ST8SIA6: variants seen among roughly 807,000 people sequenced by gnomAD.
ST8SIA6 encodes alpha-2,8-sialyltransferase 8F.
Under a neutral mutation model 33.6 loss-of-function variants are expected in ST8SIA6, and 39 were observed. The ratio of observed to expected loss-of-function variants is 1.16; its 90% CI spans 0.90 to 1.52. ST8SIA6 has a LOEUF of 1.52. Ranked by LOEUF, ST8SIA6 falls within the 40% of genes most tolerant of loss-of-function variation. ST8SIA6 has a pLI of 0.00. For synonymous variants in ST8SIA6, 172 were observed against 167.2 expected (o/e 1.03, Z -0.22); for missense variants, 441 against 443.8 (o/e 0.99, Z 0.06).
At chr10:17,447,495 A>G (rs78558340) in intron 2 of ST8SIA6, among the ~76,000 whole-genome samples, 2,390 of 152,228 alleles carry the variant, frequency 0.016, 65 homozygotes, top group African/African-American at 0.054. Flanking sequence ...TCAAATATCT[A>G]AAGTTTCATG....
chr10:17,334,311 G>A (rs922873095), intron 4 of ST8SIA6, among the ~76,000 whole-genome samples: 7 of 151,128 alleles, frequency 4.6e-5, no homozygotes, highest in African/African-American at 1.2e-4. Context: ...AGGCCGAGGC[G>A]GGCGGATCAC....
Position 17,341,916 on chromosome 10 carries a change from A to C in ST8SIA6, c.378-10364T>G, listed in dbSNP as rs1399142316. Among the ~76,000 whole-genome samples the C allele has an allele frequency of 1.1e-4, 17 of 150,932 alleles. No individual in the cohort carries two copies. In the South Asian group the frequency reaches 2.1e-3, roughly 19 times the overall value. ...GCTCCATCTCAAAAAAAAAAAAAAA[A>C]AAAAACAAAAAGAAAGAAAGAAAAA... On this transcript the variant is annotated intron_variant, in intron 4 of 7. Transcript: ENST00000377602.
At chr10:17,379,235 C>T (rs1850038065) in intron 3 of ST8SIA6, among the ~76,000 whole-genome samples, 1 of 151,932 alleles carries the variant, frequency 6.6e-6, no homozygotes. Context: ...AACAGCTTAT[C>T]CCTAAGTTCA....
At chr10:17,393,641 G>C (rs1850700589) in intron 2 of ST8SIA6, among the ~76,000 whole-genome samples, 2 of 152,182 alleles carry the variant, frequency 1.3e-5, no homozygotes, top group Non-Finnish European at 1.5e-5. Context: ...CAGCACACCT[G>C]TGTCCATCGG....
chr10:17,441,178 C>A (rs775596048), intron 2 of ST8SIA6, among the ~76,000 whole-genome samples: 2 of 151,930 alleles, frequency 1.3e-5, no homozygotes, highest in Non-Finnish European at 2.9e-5. Flanking sequence ...AGAATGCTAC[C>A]TGATCCAAGC....
chr10:17,395,950 A>G (rs1201172731), intron 2 of ST8SIA6, among the ~76,000 whole-genome samples: 1 of 152,124 alleles, frequency 6.6e-6, no homozygotes, highest in Non-Finnish European at 1.5e-5. Context: ...CTGCCAAACT[A>G]TACAGTTGAG....
chr10:17,333,675 A>T (rs1398788985), intron 4 of ST8SIA6, among the ~76,000 whole-genome samples: 2 of 9,198 alleles, frequency 2.2e-4, no homozygotes, highest in African/African-American at 1.0e-3. Flanking sequence ...GTGCTGGGAT[A>T]TATATATATA....
intron 4 of ST8SIA6, among the ~76,000 whole-genome samples, chr10:17,338,771 C>T (rs750337819): frequency 1.3e-4 from 20 of 152,158 alleles, no homozygotes; most frequent in Non-Finnish European, 2.4e-4. Context: ...TGGCTTGCTG[C>T]GAGTCTAACT....
chr10:17,436,931 C>T (rs1281612828), intron 2 of ST8SIA6, among the ~76,000 whole-genome samples: 5 of 152,094 alleles, frequency 3.3e-5, no homozygotes, highest in Non-Finnish European at 7.3e-5. Context: ...TTTCCAGCCA[C>T]GTGCGACTGT....
At chr10:17,440,625 C>T (rs769370406) in intron 2 of ST8SIA6, among the ~76,000 whole-genome samples, 4 of 152,150 alleles carry the variant, frequency 2.6e-5, no homozygotes, top group Admixed American at 6.5e-5. Context: ...ATGCACTCTC[C>T]GTGTTCTAAA....
At chr10:17,332,055 G>A (rs1298333172) in intron 4 of ST8SIA6, among the ~76,000 whole-genome samples, 3 of 152,132 alleles carry the variant, frequency 2.0e-5, no homozygotes, top group South Asian at 2.1e-4. Flanking sequence ...TTGGTTTTCT[G>A]TTCCTGTGTC....
intron 4 of ST8SIA6, among the ~76,000 whole-genome samples, chr10:17,333,702 TATATA>T (rs1848390377): frequency 2.1e-4 from 6 of 28,614 alleles, no homozygotes; most frequent in Admixed American, 4.5e-4. Context: ...TATATATATA[TATATA>T]TATATATATA....
rs34189796 is a variant in ST8SIA6 at position 17,361,712 on chromosome 10, GA to G, written c.291-2113del. On this transcript the variant is annotated intron_variant, in intron 3 of 7. Coordinates refer to ENST00000377602, the MANE Select transcript of ST8SIA6 (RefSeq NM_001004470.3). ...TACAAAAATAAGGAAAAGACATTGGGAAAAAAAAAAAAAAACCGGGCAGGCC... is the reference window on the plus strand; with the variant it reads ...TACAAAAATAAGGAAAAGACATTGGGAAAAAAAAAAAAAACCGGGCAGGCC... Among the ~76,000 whole-genome samples, 562 of 123,536 alleles carry G rather than the reference GA, an allele frequency of 4.5e-3. 3 individuals carry two copies. Among genetic ancestry groups the G allele is most frequent in the Middle Eastern group, 0.025 (6 of 236 alleles). 81.0% of individuals were successfully genotyped at this position (123,536 alleles called of 152,430 possible).
rs772241972 is a variant in ST8SIA6, at chr10:17,320,847, T to C, written c.*31A>G. 1 of 1,601,122 alleles carries C rather than the reference T, an allele frequency of 6.2e-7. No homozygotes were observed. ...ATTGTTAATCACCTACTGCATTATA[T>C]TAAAATTATTCCCATTTTAAGATAC... On this transcript the variant is annotated 3_prime_UTR_variant, in exon 8 of 8. Coordinates refer to ENST00000377602, the MANE Select transcript of ST8SIA6 (RefSeq NM_001004470.3).
chr10:17,328,006 C>T (rs1027902039), intron 5 of ST8SIA6, among the ~76,000 whole-genome samples: 8 of 147,424 alleles, frequency 5.4e-5, no homozygotes, highest in African/African-American at 9.8e-5. Flanking sequence ...ATAGGATACA[C>T]GGCATAATGT....
intron 2 of ST8SIA6, among the ~76,000 whole-genome samples, chr10:17,427,588 G>A (rs1851978934): frequency 6.6e-6 from 1 of 152,230 alleles, no homozygotes; most frequent in Non-Finnish European, 1.5e-5. Flanking sequence ...CAGAGGAGAA[G>A]GTGATGGGAT....
intron 2 of ST8SIA6, among the ~76,000 whole-genome samples, chr10:17,394,589 G>T (rs1462242754): frequency 6.6e-6 from 1 of 152,102 alleles, no homozygotes; most frequent in Non-Finnish European, 1.5e-5. Context: ...AGCCCTTTTA[G>T]TTATCTTTGC....
rs1853050242 is a variant in ST8SIA6, at chr10:17,454,489, G to T, written c.-234C>A. On this transcript the variant is annotated 5_prime_UTR_variant, in exon 1 of 8. Coordinates refer to ENST00000377602, the MANE Select transcript of ST8SIA6 (RefSeq NM_001004470.3). The surrounding 1 kb of genome is among the most constrained non-coding windows in gnomAD (Gnocchi z 4.1). ...CCCCGGGCTCCCGGCCCCGGCCCGC[G>T]GAGCGCCGCGATCGGCTGGCAGATG... Among the ~76,000 whole-genome samples the T allele has an allele frequency of 6.6e-6, 1 of 151,704 alleles. No homozygotes were observed. The highest frequency in any genetic ancestry group is 6.6e-5 in the Admixed American group (1 of 15,242).
chr10:17,429,584 G>A (rs61842159), intron 2 of ST8SIA6, among the ~76,000 whole-genome samples: 5,889 of 152,008 alleles, frequency 0.039, 163 homozygotes, highest in Non-Finnish European at 0.054. Context: ...CCGGGCTCAG[G>A]TGATCCTGTC....
Sources: allele counts gnomAD v4.1 joint callset (sites outside exome capture counted in the v4.1 genomes callset), GRCh38; gene constraint gnomAD v4.1.1; non-coding constraint Gnocchi (gnomAD v3.1); transcripts MANE v1.5; gene names NCBI Gene and HGNC (gene_info 2026-07-23, HGNC 2026-07-21).